The following ISM1 variants were observed in gnomAD, a reference collection of about 807,000 sequenced individuals.
ISM1 encodes isthmin 1.
Under a neutral mutation model 46.3 loss-of-function variants are expected in ISM1, and 25 were observed. The ratio of observed to expected loss-of-function variants is 0.54; its 90% CI spans 0.39 to 0.75. The LOEUF (loss-of-function observed/expected upper bound fraction) is 0.75, where lower values mean the gene tolerates loss of function less well. ISM1 is among the 30% of genes least tolerant of loss of function. ISM1 has a pLI of 0.00. For synonymous variants in ISM1, 255 were observed against 256.7 expected, an observed-to-expected ratio of 0.99 and a Z score of 0.06; for missense variants, 536 against 625.4, an observed-to-expected ratio of 0.86 and a Z score of 1.52.
chr20:13,311,732 A>T, the ISM1 span, among the ~76,000 whole-genome samples: 1 of 152,350 alleles, frequency 6.6e-6, no homozygotes, highest in South Asian at 2.1e-4. Flanking sequence ...GAATCTAAAA[A>T]AATCAAACTC....
At chr20:13,231,469 T>C (rs1374353837) in intron 1 of ISM1, among the ~76,000 whole-genome samples, 1 of 152,148 alleles carries the variant, frequency 6.6e-6, no homozygotes, top group Admixed American at 6.5e-5. Flanking sequence ...TCCTTTACTA[T>C]CTTAGGTGGG....
intron 3 of ISM1, among the ~76,000 whole-genome samples, chr20:13,286,441 G>A (rs771408609): frequency 6.6e-6 from 1 of 152,176 alleles, no homozygotes; most frequent in Non-Finnish European, 1.5e-5. Flanking sequence ...GCTAATGCCA[G>A]GGAAGGCAGC....
At chr20:13,288,449 G>T in intron 3 of ISM1, 91 bp from the exon 4 acceptor site, 1 of 1,375,532 alleles carries the variant, frequency 7.3e-7, no homozygotes, top group Non-Finnish European at 1.0e-6. Flanking sequence ...CAGCGAGAAG[G>T]ATAGAAGTGA....
intron 5 of ISM1, among the ~76,000 whole-genome samples, chr20:13,294,536 C>T (rs1277714833): frequency 6.6e-6 from 1 of 152,174 alleles, no homozygotes; most frequent in African/African-American, 2.4e-5. Context: ...TGCACAAAGC[C>T]ACATTGGCAT....
At chr20:13,284,958 G>A (rs1421666509) in intron 3 of ISM1, among the ~76,000 whole-genome samples, 1 of 152,206 alleles carries the variant, frequency 6.6e-6, no homozygotes, top group African/African-American at 2.4e-5. Context: ...AGGATTTTAT[G>A]GGGTATTTGT....
chr20:13,250,680 A>G (rs141597602), intron 1 of ISM1, among the ~76,000 whole-genome samples: 19 of 152,362 alleles, frequency 1.2e-4, no homozygotes, highest in Middle Eastern at 3.4e-3. Context: ...TGTAAGCTCC[A>G]TGAGGGTAAG....
At chr20:13,245,923 C>G (rs1006476723) in intron 1 of ISM1, among the ~76,000 whole-genome samples, 1 of 152,162 alleles carries the variant, frequency 6.6e-6, no homozygotes, top group East Asian at 1.9e-4. Flanking sequence ...CCGCCCACTC[C>G]GATGTTCTTT....
At position 13,227,959 on chromosome 20, in the gene ISM1, C is replaced by CTT. The variant is rs747478331; in HGVS notation, c.138+6061_138+6062dup. ...TATTTCTTTATCTAGCTGCTGCTGC[C>CTT]TTTTTTTTTTTTTTTTTCTTTTTGA... On this transcript the variant is annotated intron_variant, in intron 1 of 5. Coordinates refer to ENST00000262487, the MANE Select transcript of ISM1 (RefSeq NM_080826.2). 3.9e-3 allele frequency among the ~76,000 whole-genome samples: 499 copies of CTT among 129,018 alleles called. 2 individuals are homozygous for CTT. The highest frequency in any genetic ancestry group is 0.012 in the East Asian group (50 of 4,270). The allele number at this position is 129,018 out of a possible 152,430, so 84.6% of individuals were successfully genotyped here.
chr20:13,232,390 G>A (rs185821217), intron 1 of ISM1, among the ~76,000 whole-genome samples: 1 of 152,196 alleles, frequency 6.6e-6, no homozygotes, highest in Non-Finnish European at 1.5e-5. Context: ...TTTTATATAA[G>A]TGGAATACAG....
At chr20:13,236,500 A>C (rs2039651629) in intron 1 of ISM1, among the ~76,000 whole-genome samples, 1 of 152,096 alleles carries the variant, frequency 6.6e-6, no homozygotes, top group South Asian at 2.1e-4. Flanking sequence ...TCATGTCCTA[A>C]CATTTCAAAA....
chr20:13,276,202 C>A (rs1246531111), intron 2 of ISM1, among the ~76,000 whole-genome samples: 1 of 152,166 alleles, frequency 6.6e-6, no homozygotes, highest in Non-Finnish European at 1.5e-5. Context: ...CCTGCCCACT[C>A]CCACCAGTTT....
chr20:13,298,560 C>T (rs866744934), intron 5 of ISM1, among the ~76,000 whole-genome samples: 2 of 152,066 alleles, frequency 1.3e-5, no homozygotes, highest in Non-Finnish European at 2.9e-5. Flanking sequence ...TATATTTCCA[C>T]AACATTTTTT....
intron 5 of ISM1, among the ~76,000 whole-genome samples, chr20:13,294,136 T>C (rs2040383646): frequency 6.6e-6 from 1 of 152,172 alleles, no homozygotes; most frequent in Non-Finnish European, 1.5e-5. Flanking sequence ...TGCCAGATGT[T>C]CTGGGTTTCT....
rs910590177 is a variant in ISM1 at position 13,233,651 on chromosome 20, G to A, written c.138+11737G>A. ...TAGATGTTCCTAATTCTTAGCCCAA[G>A]AAATGAATTGAGGAAATTCTGACCT... On this transcript the variant is annotated intron_variant, in intron 1 of 5. Transcript: ENST00000262487. Among the ~76,000 whole-genome samples the A allele has an allele frequency of 4.0e-4, 59 of 148,344 alleles. 1 individual carries two copies. The highest frequency in any genetic ancestry group is 1.4e-3 in the African/African-American group (55 of 40,212).
chr20:13,235,306 T>A (rs2039635407), intron 1 of ISM1, among the ~76,000 whole-genome samples: 1 of 152,226 alleles, frequency 6.6e-6, no homozygotes, highest in Non-Finnish European at 1.5e-5. Flanking sequence ...TACCATTTCA[T>A]CAGCCAAAGC....
At chr20:13,291,492 C>G (rs760693511) in intron 4 of ISM1, among the ~76,000 whole-genome samples, 5 of 152,128 alleles carry the variant, frequency 3.3e-5, no homozygotes, top group Non-Finnish European at 5.9e-5. Flanking sequence ...GAAATCAAGT[C>G]AGGGAAACCA....
intron 5 of ISM1, among the ~76,000 whole-genome samples, chr20:13,295,934 C>T (rs955796901): frequency 6.6e-6 from 1 of 152,232 alleles, no homozygotes; most frequent in African/African-American, 2.4e-5. Context: ...GAGCAGGACA[C>T]TTGTGGCTGT....
intron 1 of ISM1, among the ~76,000 whole-genome samples, chr20:13,222,171 G>A (rs1194342066): frequency 6.6e-6 from 1 of 152,174 alleles, no homozygotes; most frequent in Non-Finnish European, 1.5e-5. Context: ...CAGGTGCGGG[G>A]TTGGTGGGGA....
chr20:13,277,144 A>G (rs1008998392), intron 2 of ISM1, among the ~76,000 whole-genome samples: 5 of 150,484 alleles, frequency 3.3e-5, no homozygotes, highest in Non-Finnish European at 7.4e-5. Flanking sequence ...CAGTTTGGAG[A>G]AAAAAAAAAT....
Sources: allele counts gnomAD v4.1 joint callset (sites outside exome capture counted in the v4.1 genomes callset), GRCh38; gene constraint gnomAD v4.1.1; transcripts MANE v1.5; gene names NCBI Gene and HGNC (gene_info 2026-07-23, HGNC 2026-07-21).